Variants in PTBP2 observed in about 807,000 individuals in gnomAD.
PTBP2 encodes the protein polypyrimidine tract-binding protein 2.
A neutral mutation model predicts 61.4 loss-of-function variants in PTBP2; 13 were observed. The ratio of observed to expected loss-of-function variants is 0.21; its 90% confidence interval spans 0.14 to 0.34. PTBP2 has a LOEUF of 0.34. Ranked by LOEUF, PTBP2 falls within the 10% of genes least tolerant of loss-of-function variation. The probability of loss-of-function intolerance (pLI) is 1.00; values close to 1 mark genes in which losing one functional copy is unlikely to be tolerated. For missense variants in PTBP2, 405 were observed against 642.6 expected (o/e 0.63, Z 4.00); for synonymous variants, 215 against 218.5 (o/e 0.98, Z 0.14).
intron 2 of PTBP2, among the ~76,000 whole-genome samples, chr1:96,738,515 C>T (rs886473426): frequency 3.3e-5 from 5 of 152,034 alleles, no homozygotes; most frequent in Non-Finnish European, 5.9e-5. Flanking sequence ...CCTTGTGATC[C>T]GCCCGCCTCG....
intron 4 of PTBP2, 37 bp downstream of exon 4, chr1:96,769,912 C>A (rs1388745506): frequency 1.4e-6 from 2 of 1,465,522 alleles, no homozygotes; most frequent in African/African-American, 1.4e-5. Flanking sequence ...TGTTAAACCC[C>A]AAACTATCCA....
intron 3 of PTBP2, among the ~76,000 whole-genome samples, chr1:96,753,271 A>C (rs1450707499): frequency 6.6e-6 from 1 of 152,138 alleles, no homozygotes; most frequent in Non-Finnish European, 1.5e-5. Context: ...GTCAGAATGC[A>C]GACATATTGC....
At chr1:96,800,597 G>C (rs1015107274) in intron 8 of PTBP2, among the ~76,000 whole-genome samples, 1 of 151,862 alleles carries the variant, frequency 6.6e-6, no homozygotes, top group Admixed American at 6.6e-5. Context: ...AGCCATGCCT[G>C]GTGGCATGTG....
chr1:96,721,955 C>A, intron 1 of PTBP2, 83 bp downstream of exon 1: 3 of 1,528,142 alleles, frequency 2.0e-6, no homozygotes, highest in South Asian at 2.4e-5. Context: ...GGGGAGAAAC[C>A]CTCCCGCGGC....
chr1:96,772,108 A>G (rs1457496925), intron 5 of PTBP2, among the ~76,000 whole-genome samples: 1 of 152,108 alleles, frequency 6.6e-6, no homozygotes, highest in Non-Finnish European at 1.5e-5. Context: ...CAGTCCCACA[A>G]GATCTCCTGA....
chr1:96,736,992 T>C (rs890928085), intron 2 of PTBP2, among the ~76,000 whole-genome samples: 1 of 150,142 alleles, frequency 6.7e-6, no homozygotes, highest in African/African-American at 2.5e-5. Context: ...TTCTTTCTTT[T>C]TTTTTTAGAC....
chr1:96,802,210 C>CGAA (rs1557771422), intron 8 of PTBP2, among the ~76,000 whole-genome samples: 4 of 46,352 alleles, frequency 8.6e-5, no homozygotes, highest in African/African-American at 2.3e-4. Context: ...GACTCCGTCT[C>CGAA]GAAAAAAAAA....
chr1:96,784,495 CTGAT>C (rs1436882005), intron 7 of PTBP2, among the ~76,000 whole-genome samples: 1 of 152,110 alleles, frequency 6.6e-6, no homozygotes, highest in Admixed American at 6.6e-5. Flanking sequence ...TCAAGATAAT[CTGAT>C]TGGGGGTGAA....
chr1:96,808,075 C>T (rs185919724), intron 11 of PTBP2, among the ~76,000 whole-genome samples: 1 of 152,028 alleles, frequency 6.6e-6, no homozygotes, highest in Non-Finnish European at 1.5e-5. Context: ...GTATGGGTGG[C>T]ATTGTGTCAT....
At chr1:96,792,477 G>A (rs942447655) in intron 8 of PTBP2, among the ~76,000 whole-genome samples, 6 of 152,124 alleles carry the variant, frequency 3.9e-5, no homozygotes, top group Non-Finnish European at 7.4e-5. Flanking sequence ...CTAATAAATA[G>A]TGGAATAAAA....
chr1:96,796,052 A>C (rs72976453), intron 8 of PTBP2, among the ~76,000 whole-genome samples: 6,838 of 152,284 alleles, frequency 0.045, 479 homozygotes, highest in African/African-American at 0.15. Context: ...CAAGGATTAG[A>C]TCAGGAGTAT....
intron 2 of PTBP2, among the ~76,000 whole-genome samples, chr1:96,737,882 G>A (rs146066479): frequency 8.6e-4 from 131 of 152,018 alleles, no homozygotes; most frequent in African/African-American, 3.0e-3. Flanking sequence ...TTGTAGTAAC[G>A]TTTCTTTTTT....
chr1:96,745,238 C>T (rs988907461), intron 2 of PTBP2, among the ~76,000 whole-genome samples: 1 of 151,894 alleles, frequency 6.6e-6, no homozygotes, highest in Non-Finnish European at 1.5e-5. Context: ...TCTCGGCTCA[C>T]AGCAAGCTTC....
intron 8 of PTBP2, among the ~76,000 whole-genome samples, chr1:96,796,103 C>T (rs1660353947): frequency 6.6e-6 from 1 of 151,954 alleles, no homozygotes; most frequent in Non-Finnish European, 1.5e-5. Flanking sequence ...TATAGAGATG[C>T]TTTTTAGGAC....
intron 3 of PTBP2, among the ~76,000 whole-genome samples, chr1:96,756,897 C>T (rs1393136552): frequency 6.6e-6 from 1 of 152,114 alleles, no homozygotes; most frequent in African/African-American, 2.4e-5. Context: ...GAATGTAAGA[C>T]ACTTGGAGTG....
At chr1:96,819,862 T>TA (rs1482386675), downstream of PTBP2, 1 of 151,764 alleles carries the variant, frequency 6.6e-6, no homozygotes, top group African/African-American at 2.4e-5. Flanking sequence ...GTCGAAGAAT[T>TA]ACGGTTAAAG....
chr1:96,723,420 C>A, intron 1 of PTBP2, 144 bp from the exon 2 acceptor site: 1 of 568,446 alleles, frequency 1.8e-6, no homozygotes, highest in Non-Finnish European at 3.0e-6. Flanking sequence ...AGTCACGGAT[C>A]ATCTGTGGTA....
chr1:96,782,825 T>A (rs1243734065), intron 7 of PTBP2, among the ~76,000 whole-genome samples: 1 of 152,064 alleles, frequency 6.6e-6, no homozygotes, highest in African/African-American at 2.4e-5. Flanking sequence ...TTTCATGTTT[T>A]CAGTCCATAT....
At chr1:96,815,198 T>C (rs1043766400), downstream of PTBP2, 13 of 31,748 alleles carry the variant, frequency 4.1e-4, no homozygotes, top group African/African-American at 2.2e-3. Context: ...TCTTGTTGTT[T>C]TTTTTTTTTT....
Sources: gnomAD v4.1 joint callset for allele counts (sites outside exome capture counted in the v4.1 genomes callset) on GRCh38, gnomAD v4.1.1 for gene constraint, MANE v1.5 for transcripts, NCBI Gene and HGNC (gene_info 2026-07-23, HGNC 2026-07-21) for gene names.